The following NAALADL2 variants were observed in gnomAD, a reference collection of about 807,000 sequenced individuals.
NAALADL2 encodes N-acetylated alpha-linked acidic dipeptidase like 2.
NAALADL2 carries 76 observed loss-of-function variants against 87.2 expected under a neutral mutation model. The ratio of observed to expected loss-of-function variants is 0.87; its 90% CI spans 0.72 to 1.05. NAALADL2 has a LOEUF of 1.05. Ranked by LOEUF, NAALADL2 falls within the 50% of genes least tolerant of loss-of-function variation. The pLI, the probability that NAALADL2 is intolerant of heterozygous loss-of-function variation, is 0.00. For missense variants in NAALADL2, 1,089 were observed against 945.8 expected (o/e 1.15, Z -1.99); for synonymous variants, 354 against 331.0 (o/e 1.07, Z -0.75).
intron 4 of NAALADL2, among the ~76,000 whole-genome samples, chr3:175,320,218 A>G (rs1759668100): frequency 6.6e-6 from 1 of 152,224 alleles, no homozygotes; most frequent in African/African-American, 2.4e-5. Flanking sequence ...GACTAAAATG[A>G]ATAAGCTTTT....
intron 11 of NAALADL2, among the ~76,000 whole-genome samples, chr3:175,730,678 T>C (rs1743623345): frequency 6.6e-6 from 1 of 151,786 alleles, no homozygotes; most frequent in South Asian, 2.1e-4. Context: ...GCCTTTGCAA[T>C]GTGGTGATTA....
At chr3:175,642,735 C>T (rs1411156233) in intron 11 of NAALADL2, among the ~76,000 whole-genome samples, 1 of 152,088 alleles carries the variant, frequency 6.6e-6, no homozygotes, top group Non-Finnish European at 1.5e-5. Flanking sequence ...CTCCTGACCT[C>T]GTGATCCTCC....
intron 11 of NAALADL2, among the ~76,000 whole-genome samples, chr3:175,733,323 A>G (rs1744044947): frequency 6.6e-6 from 1 of 152,192 alleles, no homozygotes; most frequent in East Asian, 1.9e-4. Context: ...TCATGTTGGA[A>G]GGCAAGGTGG....
chr3:175,683,558 CT>C (rs1378021365), intron 11 of NAALADL2, among the ~76,000 whole-genome samples: 3 of 151,800 alleles, frequency 2.0e-5, no homozygotes, highest in Non-Finnish European at 2.9e-5. Flanking sequence ...ATGGGTGGGT[CT>C]TTGGTTACTG....
chr3:175,071,800 A>C (rs1042804603), intron 1 of NAALADL2, among the ~76,000 whole-genome samples: 2 of 152,012 alleles, frequency 1.3e-5, no homozygotes, highest in Admixed American at 6.6e-5. Context: ...AAATTGTAGC[A>C]AATTTGAGCA....
intron 3 of NAALADL2, among the ~76,000 whole-genome samples, chr3:174,854,096 A>G (rs1290466116): frequency 6.6e-6 from 1 of 152,218 alleles, no homozygotes; most frequent in Non-Finnish European, 1.5e-5. Context: ...TTATTGCAGC[A>G]CTATTCACAA....
chr3:175,270,856 A>G (rs1752732317), intron 4 of NAALADL2, among the ~76,000 whole-genome samples: 1 of 152,222 alleles, frequency 6.6e-6, no homozygotes, highest in South Asian at 2.1e-4. Flanking sequence ...TGTCAACAAA[A>G]TCCTCACAAA....
At chr3:175,036,876 T>A (rs1753484169) in intron 1 of NAALADL2, among the ~76,000 whole-genome samples, 1 of 149,246 alleles carries the variant, frequency 6.7e-6, no homozygotes, top group Non-Finnish European at 1.5e-5. Context: ...TAATAACTCC[T>A]GTTTTCTCCT....
At chr3:175,181,743 ATG>A (rs369560276) in intron 2 of NAALADL2, among the ~76,000 whole-genome samples, 11,845 of 98,028 alleles carry the variant, frequency 0.12, 1,150 homozygotes, top group African/African-American at 0.17. Context: ...ATGTGTATAT[ATG>A]TATATATATG....
chr3:175,002,845 G>T (rs1748427206), intron 1 of NAALADL2, among the ~76,000 whole-genome samples: 1 of 152,154 alleles, frequency 6.6e-6, no homozygotes, highest in Non-Finnish European at 1.5e-5. Flanking sequence ...AATTAAGGAT[G>T]CCAAGGACAG....
intron 2 of NAALADL2, among the ~76,000 whole-genome samples, chr3:175,127,157 A>T (rs1310609412): frequency 1.3e-5 from 2 of 152,042 alleles, no homozygotes; most frequent in African/African-American, 4.8e-5. Flanking sequence ...TAATAAACAG[A>T]TCCCCAGACA....
rs563732795 is a variant in NAALADL2, at chr3:174,595,993, A to C, written c.-115+45356A>C. ...TGCCATTGCACTCCAGCCTGGGCAC[A>C]AGAGCCAAATTCCATCTCAAAAACA... On this transcript the variant is annotated intron_variant, in intron 2 of 3. Transcript: ENST00000434257. Among the ~76,000 whole-genome samples the C allele has an allele frequency of 1.1e-4, 16 of 152,180 alleles. No individual in the cohort carries two copies. In the East Asian group the frequency reaches 2.7e-3, roughly 26 times the overall value.
In NAALADL2 at chr3:175,395,189, T is replaced by G. The variant is rs540307148; in HGVS notation, c.1091-52040T>G. Among the ~76,000 whole-genome samples, 237 of 152,238 alleles carry G rather than the reference T, an allele frequency of 1.6e-3. 2 individuals are homozygous for G. The highest frequency in any genetic ancestry group is 0.015 in the South Asian group (74 of 4,826). On this transcript the variant is annotated intron_variant, in intron 5 of 13. Coordinates refer to ENST00000454872, the MANE Select transcript of NAALADL2 (RefSeq NM_207015.3). ...TGTATAATGCTGGACAGGGAGATCA[T>G]TCACATCCCAGGCAGGATGGTGGGG...
rs1342129219 is a variant in NAALADL2, at chr3:174,868,627, T to C, written c.43+9177T>C. 2.1e-5 allele frequency among the ~76,000 whole-genome samples: 3 copies of C among 142,534 alleles called. No individual in the cohort carries two copies. The East Asian group carries it at 6.2e-4, about 30-fold the overall frequency. The allele number at this position is 142,534 out of a possible 152,430, so 93.5% of individuals were successfully genotyped here. A position where few individuals can be genotyped will look rare whatever the true frequency, so the allele number is the denominator to read the frequency against. ...AGGTTAAATTGGTGTTTGCTTGTAC[T>C]GAAGGAGGAAAAATGAAGAGACTGT... is the stretch of plus-strand genomic sequence containing the variant. On this transcript the variant is annotated intron_variant, in intron 1 of 13. Transcript: ENST00000454872.
rs191606966 is a variant in NAALADL2 at position 174,913,064 on chromosome 3, G to A, written c.43+53614G>A. 3.0e-3 allele frequency among the ~76,000 whole-genome samples: 452 copies of A among 152,126 alleles called. 3 individuals are homozygous for A. The highest frequency in any genetic ancestry group is 0.01 in the African/African-American group (421 of 41,500). On this transcript the variant is annotated intron_variant, in intron 1 of 13. Coordinates refer to ENST00000454872, the MANE Select transcript of NAALADL2 (RefSeq NM_207015.3). ...GACAGTACCTCAAAATTGCCTTTGGGCATATTTTCACATTTTAAAGTGTCC... is the reference window on the plus strand; with the variant it reads ...GACAGTACCTCAAAATTGCCTTTGGACATATTTTCACATTTTAAAGTGTCC...
At position 175,212,218 on chromosome 3, in the gene NAALADL2, A is replaced by G. The variant is rs1741864038; in HGVS notation, c.546-21713A>G. ...CTATATGGTGCCCATGTCCATTAAG[A>G]AGGCCCATTAATGCTAGTTTATTTC... On this transcript the variant is annotated intron_variant, in intron 2 of 13. Transcript: ENST00000454872. Among the ~76,000 whole-genome samples the G allele has an allele frequency of 2.0e-5, 3 of 152,022 alleles. No individual in the cohort carries two copies. The South Asian group carries it at 6.2e-4, about 32-fold the overall frequency.
At chr3:175,707,619 C>T (rs1349713304) in intron 11 of NAALADL2, among the ~76,000 whole-genome samples, 1 of 152,018 alleles carries the variant, frequency 6.6e-6, no homozygotes, top group East Asian at 1.9e-4. Context: ...TTCTTGACTT[C>T]CCTGAATCTC....
At chr3:175,409,777 T>G (rs982189806) in intron 5 of NAALADL2, among the ~76,000 whole-genome samples, 4 of 152,018 alleles carry the variant, frequency 2.6e-5, no homozygotes, top group African/African-American at 4.8e-5. Context: ...TTTAGACATA[T>G]TTAATGATGT....
At chr3:175,787,394 G>A (rs982004590) in intron 13 of NAALADL2, among the ~76,000 whole-genome samples, 1 of 152,192 alleles carries the variant, frequency 6.6e-6, no homozygotes, top group African/African-American at 2.4e-5. Context: ...TCCGAGCCAG[G>A]TGCGGGATGT....
Sources: gnomAD v4.1 joint callset for allele counts (sites outside exome capture counted in the v4.1 genomes callset) on GRCh38, gnomAD v4.1.1 for gene constraint, MANE v1.5 for transcripts, NCBI Gene and HGNC (gene_info 2026-07-23, HGNC 2026-07-21) for gene names.